TDRKH: variants seen among roughly 807,000 people sequenced by gnomAD.
TDRKH encodes tudor and KH domain containing.
A neutral mutation model predicts 61.3 loss-of-function variants in TDRKH; 28 were observed. That is an observed-to-expected ratio of 0.46 (90% CI 0.34 to 0.63). TDRKH has a LOEUF of 0.63. Ranked by LOEUF, TDRKH falls within the 20% of genes least tolerant of loss-of-function variation. TDRKH has a pLI of 0.01. For missense variants in TDRKH, 540 were observed against 683.4 expected, an observed-to-expected ratio of 0.79 and a Z score of 2.34; for synonymous variants, 219 against 244.4, an observed-to-expected ratio of 0.90 and a Z score of 0.97.
At chr1:151,788,213 T>A (rs181796716) in intron 1 of TDRKH, among the ~76,000 whole-genome samples, 25 of 152,316 alleles carry the variant, frequency 1.6e-4, no homozygotes, top group African/African-American at 5.8e-4. Context: ...GGTGTATAGT[T>A]GAAAATCATC....
intron 4 of TDRKH, 101 bp downstream of exon 4, chr1:151,779,850 A>G (rs1377700612): frequency 1.6e-6 from 2 of 1,258,788 alleles, no homozygotes; most frequent in African/African-American, 1.5e-5. Context: ...TTCCCCTCAC[A>G]TGGTGAAGGG....
downstream of TDRKH, chr1:151,768,355 C>A: frequency 7.2e-7 from 1 of 1,394,064 alleles, no homozygotes; most frequent in Non-Finnish European, 9.6e-7. Context: ...ACCTGGCATG[C>A]AGACAAGCCT....
chr1:151,769,977 C>A (rs1648591257), downstream of TDRKH: 8 of 792,312 alleles, frequency 1.0e-5, no homozygotes, highest in Non-Finnish European at 1.5e-5. Flanking sequence ...CAGGCTGAGG[C>A]AGGAGAATCA....
At chr1:151,769,195 G>A (rs1003473428), downstream of TDRKH, 1 of 154,254 alleles carries the variant, frequency 6.5e-6, no homozygotes, top group African/African-American at 2.4e-5. Flanking sequence ...CCCAGACGGT[G>A]TGGCGGCCGG....
chr1:151,771,248 T>C (rs1466137579), downstream of TDRKH: 2 of 1,606,232 alleles, frequency 1.2e-6, no homozygotes, highest in Non-Finnish European at 1.7e-6. Flanking sequence ...TTTGAGGGGC[T>C]GGAAGCCTTG....
intron 8 of TDRKH, 90 bp from the exon 9 acceptor site, chr1:151,775,974 G>A (rs573326236): frequency 6.4e-6 from 10 of 1,573,610 alleles, no homozygotes; most frequent in Middle Eastern, 1.7e-4. Context: ...AACATGAGAC[G>A]ATAACCATCT....
downstream of TDRKH, among the ~76,000 whole-genome samples, chr1:151,773,275 C>G (rs765251566): frequency 6.6e-6 from 1 of 152,178 alleles, no homozygotes; most frequent in Non-Finnish European, 1.5e-5. Flanking sequence ...CCTGCCTTAG[C>G]CTCCCAAAGC....
chr1:151,776,842 C>T (rs1039224349), intron 6 of TDRKH, among the ~76,000 whole-genome samples: 9 of 152,210 alleles, frequency 5.9e-5, no homozygotes, highest in Non-Finnish European at 1.0e-4. Context: ...ATAGTCAAAT[C>T]GGTCACCAAT....
At position 151,775,140 on chromosome 1, in the gene TDRKH, T is replaced by C; in HGVS notation, c.1461A>G (p.Val487=). The change falls in exon 11 of 13, where the codon GTA becomes GTG. Residue 487 remains valine, a synonymous_variant. Coordinates refer to ENST00000368824, the MANE Select transcript of TDRKH (RefSeq NM_001083965.2). The part of the protein sequence containing the change: ...GKKLDIGLEL[V]HKGYAIELPE... Reference sequence around the variant, plus strand: ...GAAGCTCAATTGCGTATCCTTTGTGTACTAATTCTAGCCCAATATCAAGTT... The same window carrying C: ...GAAGCTCAATTGCGTATCCTTTGTGCACTAATTCTAGCCCAATATCAAGTT... 6.2e-7 allele frequency: 1 copy of C among 1,614,158 alleles called. No homozygotes were observed. Among genetic ancestry groups the C allele is most frequent in the Non-Finnish European group, 8.5e-7 (1 of 1,180,018 alleles).
chr1:151,779,102 C>T lies in TDRKH; in HGVS notation c.561+1G>A, dbSNP rs1415315713. 1.9e-6 allele frequency: 3 copies of T among 1,613,844 alleles called. No homozygotes were observed. The highest frequency in any genetic ancestry group is 3.3e-5 in the Admixed American group (2 of 59,992). On this transcript the variant is annotated splice_donor_variant, in intron 5 of 12. Transcript: ENST00000368824. LOFTEE classifies it high-confidence loss of function. ...ATAATTCAAGTCTATTAGCTACTTG[C>T]CTTGGCTGCTGCCACTTCCTTCTGT...
chr1:151,782,400 T>C (rs1480719021), intron 2 of TDRKH, among the ~76,000 whole-genome samples: 2 of 151,978 alleles, frequency 1.3e-5, no homozygotes, highest in African/African-American at 4.8e-5. Flanking sequence ...TGAGCCGAGA[T>C]TGCTCCACTG....
rs898949089 is a variant in TDRKH at position 151,774,151 on chromosome 1, T to C, written c.*301A>G. On this transcript the variant is annotated 3_prime_UTR_variant, in exon 13 of 13. Transcript: ENST00000368824. ...TTGGTCCACAGCAAGCCAGACTATA[T>C]GTGTAATAAAGGAAGGACTGCATGG... 3 of 350,410 alleles carry C rather than the reference T, an allele frequency of 8.6e-6. No homozygotes were observed. The highest frequency in any genetic ancestry group is 2.2e-5 in the African/African-American group (1 of 46,498). 21.7% of individuals were successfully genotyped at this position (350,410 alleles called of 1,614,324 possible). A position where few individuals can be genotyped will look rare whatever the true frequency, so the allele number is the denominator to read the frequency against.
chr1:151,786,056 A>G (rs987130144), intron 1 of TDRKH, among the ~76,000 whole-genome samples: 1 of 152,242 alleles, frequency 6.6e-6, no homozygotes. Context: ...GGGGGGAAAA[A>G]CTGGCTATAT....
intron 2 of TDRKH, chr1:151,782,118 T>A (rs930529449): frequency 2.5e-6 from 1 of 394,912 alleles, no homozygotes; most frequent in Non-Finnish European, 4.9e-6. Context: ...ATCAATGGAG[T>A]TATAAAATGA....
chr1:151,776,283 G>A lies in TDRKH; in HGVS notation c.1045-15C>T. On this transcript the variant is annotated splice_polypyrimidine_tract_variant and intron_variant, in intron 7 of 12. Coordinates refer to ENST00000368824, the MANE Select transcript of TDRKH (RefSeq NM_001083965.2). The stretch of plus-strand genomic sequence containing the variant: ...AAGTCTTCAGGCTGTATGTGGGGAG[G>A]AGGAGAAAGGCAGAGAGTTACAAAG... The A allele has an allele frequency of 1.9e-6, 3 of 1,611,110 alleles. No individual in the cohort carries two copies. The highest frequency in any genetic ancestry group is 1.1e-5 in the South Asian group (1 of 90,816).
At chr1:151,767,051 T>G (rs11204883), downstream of TDRKH, 20 of 1,489,534 alleles carry the variant, frequency 1.3e-5, no homozygotes, top group Non-Finnish European at 1.4e-5. Context: ...CCCAGGAACA[T>G]AGAAACAGGC....
downstream of TDRKH, chr1:151,770,441 T>G: frequency 3.7e-6 from 3 of 805,616 alleles, no homozygotes; most frequent in Non-Finnish European, 5.5e-6. Flanking sequence ...ACAACTGGAC[T>G]CTGAGGAAGC....
At chr1:151,775,365 C>T (rs752706258) in intron 10 of TDRKH, 27 bp downstream of exon 10, 4 of 1,600,984 alleles carry the variant, frequency 2.5e-6, no homozygotes, top group Non-Finnish European at 3.4e-6. Flanking sequence ...GAAGATATGG[C>T]AAGCAGTGAG....
Position 151,778,896 on chromosome 1 carries a change from GTCT to G in TDRKH, c.669_671del (p.Glu223del), listed in dbSNP as rs1187000748. The stretch of plus-strand genomic sequence containing the variant: ...CTCCAGCTCCACCTGGCTCTGTCAT[GTCT>G]TCTCTTCTCACACTGATTGGCTGTT... On this transcript the variant is annotated inframe_deletion, in exon 6 of 13. Transcript: ENST00000368824. The G allele has an allele frequency of 6.2e-7, 1 of 1,614,068 alleles. No individual in the cohort carries two copies. The highest frequency in any genetic ancestry group is 8.5e-7 in the Non-Finnish European group (1 of 1,180,040).
Sources: allele counts gnomAD v4.1 joint callset (sites outside exome capture counted in the v4.1 genomes callset), GRCh38; gene constraint gnomAD v4.1.1; transcripts MANE v1.5; gene names NCBI Gene and HGNC (gene_info 2026-07-23, HGNC 2026-07-21).